Variants in ANKS1B observed in about 807,000 individuals in gnomAD.
ANKS1B encodes ankyrin repeat and sterile alpha motif domain containing 1B.
In ANKS1B, 36 loss-of-function variants were observed where a neutral mutation model predicts 148.3. The observed-to-expected ratio is 0.24, with a 90% CI of 0.19 to 0.32. The LOEUF (loss-of-function observed/expected upper bound fraction) is 0.32, where lower values mean the gene tolerates loss of function less well. ANKS1B is among the 10% of genes least tolerant of loss of function. ANKS1B has a pLI of 1.00. For synonymous variants in ANKS1B, 542 were observed against 560.8 expected, an observed-to-expected ratio of 0.97 and a Z score of 0.47; for missense variants, 1,157 against 1,542.6, an observed-to-expected ratio of 0.75 and a Z score of 4.19.
chr12:99,778,476 C>G (rs2063913133), intron 6 of ANKS1B, among the ~76,000 whole-genome samples: 1 of 148,746 alleles, frequency 6.7e-6, no homozygotes, highest in South Asian at 2.1e-4. Flanking sequence ...CCACTGCACT[C>G]CAGCCTAGGC....
intron 9 of ANKS1B, among the ~76,000 whole-genome samples, chr12:99,625,195 G>C (rs1409272318): frequency 6.6e-6 from 1 of 151,944 alleles, no homozygotes; most frequent in Non-Finnish European, 1.5e-5. Context: ...GTTAAATCTT[G>C]GGTACACATG....
At chr12:99,526,743 T>C (rs2096930547) in intron 9 of ANKS1B, among the ~76,000 whole-genome samples, 1 of 152,200 alleles carries the variant, frequency 6.6e-6, no homozygotes, top group African/African-American at 2.4e-5. Context: ...CCAGTGTGGG[T>C]ACTACCTAAG....
At position 99,686,652 on chromosome 12, in the gene ANKS1B, T is replaced by G. The variant is rs181537818; in HGVS notation, c.1129-31442A>C. ...AAAATAAGTATGACAATTATAGACATGTAAGGGTTCATTTACATTATTTAA... is the reference window on the plus strand; with the variant it reads ...AAAATAAGTATGACAATTATAGACAGGTAAGGGTTCATTTACATTATTTAA... On this transcript the variant is annotated intron_variant, in intron 8 of 26. Coordinates refer to ENST00000683438, the MANE Select transcript of ANKS1B (RefSeq NM_001352186.2). Among the ~76,000 whole-genome samples, 600 of 152,260 alleles carry G rather than the reference T, an allele frequency of 3.9e-3. 3 individuals are homozygous for G. The highest frequency in any genetic ancestry group is 0.035 in the South Asian group (167 of 4,822).
At chr12:99,018,573 G>C (rs1000249574) in intron 17 of ANKS1B, among the ~76,000 whole-genome samples, 14 of 152,130 alleles carry the variant, frequency 9.2e-5, no homozygotes, top group Non-Finnish European at 1.6e-4. Context: ...GTTTGGTCTT[G>C]GGATCAGATT....
At chr12:99,231,395 T>C (rs1347984405) in intron 14 of ANKS1B, among the ~76,000 whole-genome samples, 1 of 152,160 alleles carries the variant, frequency 6.6e-6, no homozygotes, top group East Asian at 1.9e-4. Context: ...GCATATTTTA[T>C]TGAAAGGAGT....
intron 11 of ANKS1B, among the ~76,000 whole-genome samples, chr12:99,424,644 CACAT>C (rs1302858984): frequency 6.7e-6 from 1 of 148,430 alleles, no homozygotes; most frequent in Non-Finnish European, 1.5e-5. Context: ...CACACACACA[CACAT>C]ACACACACAC....
intron 1 of ANKS1B, among the ~76,000 whole-genome samples, chr12:99,947,596 A>G (rs1603482340): frequency 6.6e-6 from 1 of 151,938 alleles, no homozygotes; most frequent in Non-Finnish European, 1.5e-5. Context: ...GTGCTATATC[A>G]GTTTTCTGTT....
chr12:99,111,962 G>A (rs954756143), intron 15 of ANKS1B, among the ~76,000 whole-genome samples: 1 of 152,100 alleles, frequency 6.6e-6, no homozygotes, highest in Middle Eastern at 3.2e-3. Flanking sequence ...AGCAATTACA[G>A]CCTTAAACTT....
At chr12:99,244,465 T>A in intron 13 of ANKS1B, 51 bp from the exon 14 acceptor site, 1 of 1,241,300 alleles carries the variant, frequency 8.1e-7, no homozygotes, top group Non-Finnish European at 1.1e-6. Flanking sequence ...ACTTTTAACA[T>A]TGTATTTTAA....
intron 12 of ANKS1B, among the ~76,000 whole-genome samples, chr12:99,313,205 C>T (rs1329999694): frequency 6.6e-6 from 1 of 152,116 alleles, no homozygotes; most frequent in Non-Finnish European, 1.5e-5. Context: ...CACATACATC[C>T]TCCCAGAAAC....
chr12:99,533,918 A>C (rs74411675), intron 9 of ANKS1B, among the ~76,000 whole-genome samples: 1,610 of 152,340 alleles, frequency 0.011, 19 homozygotes, highest in African/African-American at 0.037. Flanking sequence ...AATATTAATA[A>C]AAATTAAGTC....
intron 1 of ANKS1B, among the ~76,000 whole-genome samples, chr12:99,946,525 T>A (rs1217016807): frequency 1.3e-5 from 2 of 152,090 alleles, no homozygotes; most frequent in African/African-American, 2.4e-5. Flanking sequence ...CCTCATGACC[T>A]CATCTAAACC....
intron 17 of ANKS1B, among the ~76,000 whole-genome samples, chr12:99,037,069 C>T (rs553159190): frequency 1.2e-4 from 18 of 152,260 alleles, no homozygotes; most frequent in African/African-American, 2.9e-4. Context: ...ATGTTTTTGT[C>T]GTTAGACTAG....
chr12:99,713,890 G>T (rs144420488), intron 8 of ANKS1B, among the ~76,000 whole-genome samples: 1 of 151,992 alleles, frequency 6.6e-6, no homozygotes, highest in African/African-American at 2.4e-5. Context: ...ATTTGTTAGC[G>T]CATAACCTCA....
intron 12 of ANKS1B, among the ~76,000 whole-genome samples, chr12:99,268,929 A>G (rs371746542): frequency 6.6e-6 from 1 of 152,242 alleles, no homozygotes; most frequent in African/African-American, 2.4e-5. Context: ...AAAATCTAAC[A>G]TGGAAAGCAA....
Position 99,984,473 on chromosome 12 carries a change from G to C in ANKS1B, c.-236C>G. 4.8e-6 allele frequency: 2 copies of C among 418,836 alleles called. No individual in the cohort carries two copies. The highest frequency in any genetic ancestry group is 3.7e-5 in the Admixed American group (1 of 27,160). 25.9% of individuals were successfully genotyped at this position (418,836 alleles called of 1,614,324 possible). On this transcript the variant is annotated 5_prime_UTR_variant, in exon 1 of 27. Coordinates refer to ENST00000683438, the MANE Select transcript of ANKS1B (RefSeq NM_001352186.2). Reference sequence around the variant, plus strand: ...CTTGAAAGAGGGGCTGGCCGAGCTGGGAGCCGCGACGCGCCCCCACAGCCA... The same window carrying C: ...CTTGAAAGAGGGGCTGGCCGAGCTGCGAGCCGCGACGCGCCCCCACAGCCA...
chr12:98,855,090 C>T (rs1018501358), intron 17 of ANKS1B, among the ~76,000 whole-genome samples: 40 of 148,622 alleles, frequency 2.7e-4, no homozygotes, highest in South Asian at 1.1e-3. Context: ...ACCCGGGAAG[C>T]GGAGCTTGCA....
chr12:99,046,565 C>T (rs1364497361), intron 17 of ANKS1B, among the ~76,000 whole-genome samples: 14 of 151,960 alleles, frequency 9.2e-5, no homozygotes, highest in East Asian at 1.9e-4. Flanking sequence ...TTTGGGAGGC[C>T]GAGGCAGGCG....
chr12:99,621,872 C>T (rs2098056423), intron 9 of ANKS1B, among the ~76,000 whole-genome samples: 1 of 151,444 alleles, frequency 6.6e-6, no homozygotes, highest in African/African-American at 2.4e-5. Context: ...CAAAGAAATT[C>T]TGGACTTCAA....
Sources: gnomAD v4.1 joint callset for allele counts (sites outside exome capture counted in the v4.1 genomes callset) on GRCh38, gnomAD v4.1.1 for gene constraint, MANE v1.5 for transcripts, NCBI Gene and HGNC (gene_info 2026-07-23, HGNC 2026-07-21) for gene names.